The following RFX1 variants were observed in gnomAD, a reference collection of about 807,000 sequenced individuals.
RFX1 encodes MHC class II regulatory factor RFX1.
A neutral mutation model predicts 119.6 loss-of-function variants in RFX1; 42 were observed. The ratio of observed to expected loss-of-function variants is 0.35; its 90% CI spans 0.27 to 0.45. RFX1 has a LOEUF of 0.45. RFX1 is among the 20% of genes least tolerant of loss of function. The pLI is 1.00. For synonymous variants in RFX1, 628 were observed against 618.5 expected (o/e 1.02, Z -0.23); for missense variants, 1,118 against 1,368.1 (o/e 0.82, Z 2.88).
At position 13,993,613 on chromosome 19, in the gene RFX1, C is replaced by G. The variant is rs1163123624; in HGVS notation, c.231G>C (p.Glu77Asp). Residue 77 changes from glutamate (E) to aspartate (D), a missense_variant, in exon 2 of 21, where the codon GAG (glutamate) becomes GAC (aspartate). Glu to Asp is a conservative substitution (Grantham distance 45). This residue lies in a region of RFX1 where 542 missense variants were observed against 602.7 expected (regional missense o/e 0.90). Transcript: ENST00000254325. ...PPGGQKQYVT[E>D]LPAVPAPSQP... ...GCGAGGGTGCGGGTACAGCCGGGAG[C>G]TCCGTCACGTACTGCTTCTGGCCAC... 2.5e-6 allele frequency: 4 copies of G among 1,610,914 alleles called. No homozygotes were observed. Among genetic ancestry groups the G allele is most frequent in the Non-Finnish European group, 8.5e-7 (1 of 1,178,542 alleles).
At position 13,980,441 on chromosome 19, in the gene RFX1, G is replaced by T. The variant is rs977926004; in HGVS notation, c.738+132C>A. 1.7e-6 allele frequency: 1 copy of T among 604,640 alleles called. No individual in the cohort carries two copies. Among genetic ancestry groups the T allele is most frequent in the Non-Finnish European group, 2.9e-6 (1 of 343,750 alleles). The allele number at this position is 604,640 out of a possible 1,614,324, so 37.5% of individuals were successfully genotyped here. A position where few individuals can be genotyped will look rare whatever the true frequency, so the allele number is the denominator to read the frequency against. Reference sequence around the variant, plus strand: ...AGACAGGCAGAGATGCTTATCAAAGGCCAGGGTGGCAGGCTGGGGCTGGAC... The same window carrying T: ...AGACAGGCAGAGATGCTTATCAAAGTCCAGGGTGGCAGGCTGGGGCTGGAC... On this transcript the variant is annotated intron_variant, in intron 6 of 20. Transcript: ENST00000254325. This position sits in a 1 kb window ranked among gnomAD's most constrained non-coding sequence, Gnocchi z 5.1.
chr19:13,995,221 T>C (rs560934065), intron 1 of RFX1, among the ~76,000 whole-genome samples: 1 of 151,900 alleles, frequency 6.6e-6, no homozygotes, highest in Non-Finnish European at 1.5e-5. Context: ...GGGTGTTCTA[T>C]GCTCCTGACT....
chr19:13,982,926 G>A (rs1341836406), intron 4 of RFX1: 2 of 514,898 alleles, frequency 3.9e-6, no homozygotes, highest in Non-Finnish European at 3.5e-6. Context: ...GGGACACTGG[G>A]TTGGACCCGC....
chr19:13,964,082 A>G (rs1428541626), intron 16 of RFX1, 75 bp from the exon 17 acceptor site: 1 of 1,428,340 alleles, frequency 7.0e-7, no homozygotes, highest in African/African-American at 1.4e-5. Context: ...CCCCGCTGCA[A>G]CCTCCCTAAG....
In RFX1 at chr19:13,963,105, T is replaced by C. The variant is rs549662297; in HGVS notation, c.2724+17A>G. ...CCTGGCGCCCCGCCCGCGCCCCCAG[T>C]GGCCCGCCTCGCGCACCTCGCCCAT... On this transcript the variant is annotated intron_variant, in intron 19 of 20. Transcript: ENST00000254325. 412 of 1,609,786 alleles carry C rather than the reference T, an allele frequency of 2.6e-4. 1 individual carries two copies. The East Asian group carries it at 7.9e-3, about 31-fold the overall frequency.
chr19:13,983,138 C>T, intron 4 of RFX1, 49 bp downstream of exon 4: 5 of 1,422,588 alleles, frequency 3.5e-6, no homozygotes, highest in Non-Finnish European at 4.8e-6. Context: ...GGTTGGTCCT[C>T]CACCCTGAGG....
intron 2 of RFX1, among the ~76,000 whole-genome samples, chr19:13,984,546 G>T (rs1974536952): frequency 6.6e-6 from 1 of 152,158 alleles, no homozygotes; most frequent in Admixed American, 6.5e-5. Flanking sequence ...GGGGGTAGAG[G>T]CGAGTGTTCC....
intron 8 of RFX1, among the ~76,000 whole-genome samples, chr19:13,975,686 T>C (rs763984760): frequency 1.6e-4 from 24 of 152,190 alleles, no homozygotes; most frequent in Non-Finnish European, 2.5e-4. Flanking sequence ...CAGCATGCAA[T>C]GTGTGCTGCA....
intron 5 of RFX1, among the ~76,000 whole-genome samples, chr19:13,981,761 G>C (rs778694779): frequency 6.6e-6 from 1 of 152,214 alleles, no homozygotes; most frequent in Admixed American, 6.5e-5. Flanking sequence ...GTGGTCCAAG[G>C]CTTCCTGGAA....
rs141371776 is a variant in RFX1 at position 14,001,878 on chromosome 19, A to G, written c.-53+4225T>C. Among the ~76,000 whole-genome samples the G allele has an allele frequency of 2.4e-3, 359 of 152,248 alleles. 2 individuals carry two copies. Among genetic ancestry groups the G allele is most frequent in the African/African-American group, 8.3e-3 (346 of 41,548 alleles). ...TAGGCTGCTGCGGTGGCTCACACCT[A>G]TAGTTCCAGCACTTTGGGAGGCCAA... On this transcript the variant is annotated intron_variant, in intron 1 of 20. Coordinates refer to ENST00000254325, the MANE Select transcript of RFX1 (RefSeq NM_002918.5).
At chr19:13,967,622 A>G (rs150717886) in intron 12 of RFX1, among the ~76,000 whole-genome samples, 2,664 of 151,474 alleles carry the variant, frequency 0.018, 74 homozygotes, top group African/African-American at 0.056. Flanking sequence ...GATTACAGGC[A>G]CCCGCCACCA....
At chr19:14,001,120 C>T (rs1975203643) in intron 1 of RFX1, among the ~76,000 whole-genome samples, 2 of 152,122 alleles carry the variant, frequency 1.3e-5, no homozygotes, top group Non-Finnish European at 2.9e-5. Flanking sequence ...CTCTCATGGC[C>T]TCGGCCCCAC....
intron 8 of RFX1, among the ~76,000 whole-genome samples, chr19:13,974,670 G>C (rs1208609551): frequency 6.6e-6 from 1 of 152,182 alleles, no homozygotes; most frequent in East Asian, 1.9e-4. Flanking sequence ...GGGACAGGCA[G>C]GGGGCACCTC....
At chr19:13,979,098 C>G (rs1368631938) in intron 7 of RFX1, among the ~76,000 whole-genome samples, 2 of 151,890 alleles carry the variant, frequency 1.3e-5, no homozygotes, top group East Asian at 3.9e-4. Context: ...CAAACAGAGA[C>G]ACTGGGGGGT....
chr19:13,970,152 A>G lies in RFX1; in HGVS notation c.1338T>C (p.Tyr446=), dbSNP rs148584259. The change falls in exon 10 of 21, where the codon TAT becomes TAC. Residue 446 remains tyrosine (Y), a synonymous_variant. Transcript: ENST00000254325. ...GCAGACTCACGCCCTCAGCCGTCTC[A>G]TAGTTGTCCAGGAGCCACTGGACCT... ...PATVQWLLDN[Y]ETAEGVSLPR... is the part of the protein sequence containing the mutation. 1.1e-3 allele frequency: 1,763 copies of G among 1,611,754 alleles called. No individual in the cohort carries two copies. The highest frequency in any genetic ancestry group is 1.3e-3 in the Non-Finnish European group (1,538 of 1,178,720).
chr19:13,974,811 C>T (rs1303052593), intron 8 of RFX1, among the ~76,000 whole-genome samples: 1 of 151,964 alleles, frequency 6.6e-6, no homozygotes, highest in African/African-American at 2.4e-5. Context: ...TTTGGGAGGA[C>T]GAGGCGGGTG....
rs1973769682 is a variant in RFX1, at chr19:13,963,194, C to T, written c.2652G>A (p.Glu884=). 7.4e-6 allele frequency: 12 copies of T among 1,612,672 alleles called. No individual in the cohort carries two copies. Among genetic ancestry groups the T allele is most frequent in the East Asian group, 2.2e-5 (1 of 44,850 alleles). The change falls in exon 19 of 21, where the codon GAG becomes GAA. Residue 884 remains glutamate (E), a synonymous_variant. Transcript: ENST00000254325. ...SFHLIRLLYD[E]YMYYLIEHRV... Reference sequence around the variant, plus strand: ...GGTGCTCGATCAGGTAGTACATGTACTCGTCGTAGAGCAGCCGGATGAGGT... The same window carrying T: ...GGTGCTCGATCAGGTAGTACATGTATTCGTCGTAGAGCAGCCGGATGAGGT...
At position 13,964,011 on chromosome 19, in the gene RFX1, C is replaced by G; in HGVS notation, c.2212-4G>C. The G allele has an allele frequency of 6.5e-7, 1 of 1,532,290 alleles. No individual in the cohort carries two copies. The highest frequency in any genetic ancestry group is 8.7e-7 in the Non-Finnish European group (1 of 1,145,248). 94.9% of individuals were successfully genotyped at this position (1,532,290 alleles called of 1,614,324 possible). On this transcript the variant is annotated splice_polypyrimidine_tract_variant and splice_region_variant and intron_variant, in intron 16 of 20. Transcript: ENST00000254325. ...CGAAGGCGCCAGCCGCGGCCACCTG[C>G]GTGCAGGGATTGAGGGGCTTGCTGC... is the stretch of plus-strand genomic sequence containing the variant.
At chr19:13,993,462 A>G in intron 2 of RFX1, 63 bp downstream of exon 2, 1 of 1,496,478 alleles carries the variant, frequency 6.7e-7, no homozygotes, top group Non-Finnish European at 9.1e-7. Flanking sequence ...CTTCACACCC[A>G]GGGTCTAGGC....
Sources: allele counts gnomAD v4.1 joint callset (sites outside exome capture counted in the v4.1 genomes callset), GRCh38; gene constraint gnomAD v4.1.1; regional missense constraint gnomAD v4.1.1; non-coding constraint Gnocchi (gnomAD v3.1); transcripts MANE v1.5; gene names NCBI Gene and HGNC (gene_info 2026-07-23, HGNC 2026-07-21).